ZNF487: variants seen among roughly 807,000 people sequenced by gnomAD.
ZNF487 encodes zinc finger protein 487.
A neutral mutation model predicts 3.0 loss-of-function variants in ZNF487; 4 were observed. That is an observed-to-expected ratio of 1.35 (90% confidence interval 0.66 to 3.08). The LOEUF (loss-of-function observed/expected upper bound fraction) is 3.08. ZNF487 is among the 30% of genes most tolerant of loss of function. ZNF487 has a pLI of 0.01. For missense variants in ZNF487, 146 were observed against 98.7 expected, an observed-to-expected ratio of 1.48 and a Z score of -2.03; for synonymous variants, 55 against 34.6, an observed-to-expected ratio of 1.59 and a Z score of -2.06.
intron 1 of ZNF487, among the ~76,000 whole-genome samples, chr10:43,459,806 TA>T (rs1840358143): frequency 8.3e-6 from 1 of 120,460 alleles, no homozygotes; most frequent in Admixed American, 7.7e-5. Flanking sequence ...TTATTATTAT[TA>T]TTATTATTTT....
chr10:43,460,356 A>G (rs1564419190), intron 1 of ZNF487, among the ~76,000 whole-genome samples: 1 of 151,468 alleles, frequency 6.6e-6, no homozygotes, highest in Non-Finnish European at 1.5e-5. Flanking sequence ...TTGTTCCTGA[A>G]AGAGTCTGTT....
At chr10:43,478,544 ACT>A (rs942613298) in intron 3 of ZNF487, among the ~76,000 whole-genome samples, 28 of 152,032 alleles carry the variant, frequency 1.8e-4, no homozygotes, top group African/African-American at 6.8e-4. Flanking sequence ...CGAGAGCGAA[ACT>A]CTGTCTCAAA....
Position 43,441,034 on chromosome 10 carries a change from ATTTTT to A in ZNF487, c.-94+3802_-94+3806del, listed in dbSNP as rs763451709. ...GGTAAATGCTACCACACCTGGTTAA[ATTTTT>A]TTTTTTTTTTTTTTTTTTTTTTTTT... On this transcript the variant is annotated intron_variant, in intron 1 of 3. Transcript: ENST00000437590. Among the ~76,000 whole-genome samples, 120 of 44,526 alleles carry A rather than the reference ATTTTT, an allele frequency of 2.7e-3. 1 individual carries two copies. The highest frequency in any genetic ancestry group is 0.011 in the African/African-American group (103 of 9,400). 29.2% of individuals were successfully genotyped at this position (44,526 alleles called of 152,430 possible). A position where few individuals can be genotyped will look rare whatever the true frequency, so the allele number is the denominator to read the frequency against.
chr10:43,446,201 C>T (rs1387869650), intron 1 of ZNF487, among the ~76,000 whole-genome samples: 3 of 152,214 alleles, frequency 2.0e-5, no homozygotes, highest in African/African-American at 7.2e-5. Context: ...GGTACACCTC[C>T]CAGACGGGGT....
the ZNF487 span, among the ~76,000 whole-genome samples, chr10:43,512,508 C>T: frequency 2.8e-4 from 42 of 152,266 alleles, no homozygotes; most frequent in African/African-American, 1.0e-3. Flanking sequence ...CCACCAGAGC[C>T]CAGTAATAGG....
chr10:43,519,890 A>C, the ZNF487 span, among the ~76,000 whole-genome samples: 1 of 152,208 alleles, frequency 6.6e-6, no homozygotes, highest in Non-Finnish European at 1.5e-5. Flanking sequence ...TCTTTCAAAC[A>C]TGTAGTGCTC....
intron 3 of ZNF487, 85 bp from the exon 4 acceptor site, chr10:43,481,344 G>GA (rs1408503927): frequency 3.9e-4 from 223 of 579,024 alleles, no homozygotes; most frequent in Admixed American, 2.1e-3. Context: ...AAAAAAAAAA[G>GA]AAAAAAAAAG....
chr10:43,481,368 C>A, intron 3 of ZNF487, 61 bp from the exon 4 acceptor site: 1 of 650,956 alleles, frequency 1.5e-6, no homozygotes, highest in South Asian at 1.8e-5. Flanking sequence ...GTGAATATGT[C>A]TCTTTTTCAT....
chr10:43,498,084 T>A, the ZNF487 span, among the ~76,000 whole-genome samples: 1 of 14,386 alleles, frequency 7.0e-5, no homozygotes, highest in Non-Finnish European at 1.2e-4. Context: ...TTTATATATA[T>A]ATATATATAT....
chr10:43,465,075 G>A (rs1589039761), intron 1 of ZNF487, among the ~76,000 whole-genome samples: 1 of 146,270 alleles, frequency 6.8e-6, no homozygotes, highest in African/African-American at 2.5e-5. Context: ...CTCCCGGGGC[G>A]GCTGGCCGGG....
At chr10:43,507,901 A>G in the ZNF487 span, among the ~76,000 whole-genome samples, 1 of 152,230 alleles carries the variant, frequency 6.6e-6, no homozygotes, top group Non-Finnish European at 1.5e-5. Context: ...TTGTGGCTAG[A>G]AATCTAAAAT....
At position 43,480,015 on chromosome 10, in the gene ZNF487, CT is replaced by C. The variant is rs1564428833; in HGVS notation, c.131-1411del. On this transcript the variant is annotated intron_variant, in intron 3 of 3. Transcript: ENST00000437590. ...TCTTTCTTTCTTTCTTTCTTTCTTT[CT>C]TTCTTTCTTTCTTTCTTTCTTTCTT... Among the ~76,000 whole-genome samples the C allele has an allele frequency of 4.8e-4, 33 of 69,150 alleles. 1 individual carries two copies. The South Asian group carries it at 0.014, about 29-fold the overall frequency. 45.4% of individuals were successfully genotyped at this position (69,150 alleles called of 152,430 possible). A position where few individuals can be genotyped will look rare whatever the true frequency, so the allele number is the denominator to read the frequency against.
downstream of ZNF487, among the ~76,000 whole-genome samples, chr10:43,485,527 A>G (rs1841463911): frequency 1.3e-5 from 2 of 152,196 alleles, no homozygotes; most frequent in Admixed American, 1.3e-4. Context: ...ACAACCTTCC[A>G]ATAACTTAGA....
At chr10:43,442,238 AAAC>A (rs750766065) in intron 1 of ZNF487, among the ~76,000 whole-genome samples, 234 of 148,872 alleles carry the variant, frequency 1.6e-3, no homozygotes, top group African/African-American at 4.0e-3. Flanking sequence ...CCTGTCTCTA[AAAC>A]AACAACAACA....
intron 3 of ZNF487, among the ~76,000 whole-genome samples, chr10:43,478,567 A>T (rs555540554): frequency 8.5e-5 from 13 of 152,156 alleles, no homozygotes; most frequent in African/African-American, 2.6e-4. Context: ...AATAAATAAA[A>T]AAAAAATTAG....
the ZNF487 span, among the ~76,000 whole-genome samples, chr10:43,509,314 G>GT: frequency 0.73 from 111,240 of 151,688 alleles, 41,914 homozygotes; most frequent in East Asian, 0.93. Context: ...GCCTCATGGT[G>GT]GATTACTGGA....
chr10:43,502,897 G>C, the ZNF487 span, among the ~76,000 whole-genome samples: 2 of 152,080 alleles, frequency 1.3e-5, no homozygotes, highest in Non-Finnish European at 2.9e-5. Context: ...CAGATGTGGT[G>C]GCACATGCCT....
At chr10:43,455,101 C>T (rs12359486) in intron 1 of ZNF487, among the ~76,000 whole-genome samples, 160 of 151,618 alleles carry the variant, frequency 1.1e-3, no homozygotes, top group Non-Finnish European at 1.9e-3. Context: ...CTCCGCCTCC[C>T]GGGTTCAAGG....
In ZNF487 at chr10:43,481,748, A is replaced by C; in HGVS notation, c.450A>C (p.Lys150Asn). Residue 150 changes from lysine (K) to asparagine (N), a missense_variant, in exon 4 of 4, where the codon AAA becomes AAC. Lys to Asn is a moderately conservative substitution (Grantham distance 94). Transcript: ENST00000437590. ...GTGAGAATCCTTATGCCAGAGGGAA[A>C]CCTTTGGAATATGATGGAAATGGGA... ...MKRENPYARGKPLEYDGNGKA... is the reference protein window; with the variant it reads ...MKRENPYARGNPLEYDGNGKA... 1.4e-6 allele frequency: 1 copy of C among 715,896 alleles called. No individual in the cohort carries two copies. The highest frequency in any genetic ancestry group is 2.6e-6 in the Non-Finnish European group (1 of 385,084). 44.3% of individuals were successfully genotyped at this position (715,896 alleles called of 1,614,324 possible).
Sources: gnomAD v4.1 joint callset for allele counts (sites outside exome capture counted in the v4.1 genomes callset) on GRCh38, gnomAD v4.1.1 for gene constraint, MANE v1.5 for transcripts, NCBI Gene and HGNC (gene_info 2026-07-23, HGNC 2026-07-21) for gene names.